Variants in LNP1 observed in about 807,000 individuals in gnomAD.
LNP1 encodes the protein leukemia NUP98 fusion partner 1.
Under a neutral mutation model 14.5 loss-of-function variants are expected in LNP1, and 12 were observed. That is an observed-to-expected ratio of 0.83 (90% confidence interval 0.53 to 1.34). The LOEUF (loss-of-function observed/expected upper bound fraction) is 1.34. LNP1 is among the 40% of genes most tolerant of loss of function. The pLI is 0.00. For synonymous variants in LNP1, 75 were observed against 71.4 expected, an observed-to-expected ratio of 1.05 and a Z score of -0.26; for missense variants, 198 against 210.9, an observed-to-expected ratio of 0.94 and a Z score of 0.38.
intron 1 of LNP1, among the ~76,000 whole-genome samples, chr3:100,413,582 A>G (rs1707050627): frequency 6.6e-6 from 1 of 152,224 alleles, no homozygotes; most frequent in Non-Finnish European, 1.5e-5. Flanking sequence ...ATTGCCACCC[A>G]GAAGAATTTG....
At chr3:100,436,805 G>T (rs757522445) in intron 2 of LNP1, among the ~76,000 whole-genome samples, 1 of 152,172 alleles carries the variant, frequency 6.6e-6, no homozygotes, top group East Asian at 1.9e-4. Context: ...GCCTTTGGGA[G>T]ATAATTAGGG....
At chr3:100,408,011 G>A (rs567545207) in intron 1 of LNP1, among the ~76,000 whole-genome samples, 6 of 152,180 alleles carry the variant, frequency 3.9e-5, no homozygotes, top group African/African-American at 1.4e-4. Flanking sequence ...TTGTTTCTCT[G>A]TATTTTCTGA....
intron 1 of LNP1, among the ~76,000 whole-genome samples, chr3:100,412,106 C>T (rs1284893727): frequency 6.6e-6 from 1 of 152,130 alleles, no homozygotes; most frequent in African/African-American, 2.4e-5. Flanking sequence ...AAGTATGGCG[C>T]TGGCATCTGT....
intron 2 of LNP1, among the ~76,000 whole-genome samples, chr3:100,436,374 A>G (rs1460592903): frequency 1.3e-5 from 2 of 152,144 alleles, no homozygotes; most frequent in Admixed American, 6.5e-5. Context: ...TAAGTTTTTA[A>G]GGTTTTTATG....
chr3:100,430,030 C>G (rs1237598942), intron 2 of LNP1, 145 bp downstream of exon 2: 3 of 777,550 alleles, frequency 3.9e-6, no homozygotes, highest in Non-Finnish European at 6.1e-6. Flanking sequence ...CCACAGAAAT[C>G]TCTCTTATTA....
At chr3:100,403,839 T>C (rs2148897447) in intron 1 of LNP1, among the ~76,000 whole-genome samples, 1 of 152,380 alleles carries the variant, frequency 6.6e-6, no homozygotes, top group South Asian at 2.1e-4. Flanking sequence ...GATTAGATTA[T>C]TTTTAAGGCT....
intron 1 of LNP1, among the ~76,000 whole-genome samples, chr3:100,422,376 G>C (rs940345433): frequency 6.6e-6 from 1 of 151,892 alleles, no homozygotes; most frequent in Non-Finnish European, 1.5e-5. Context: ...GTGGAGACAG[G>C]GTTTCACTGT....
chr3:100,434,314 A>G (rs1272552206), intron 2 of LNP1, among the ~76,000 whole-genome samples: 1 of 152,186 alleles, frequency 6.6e-6, no homozygotes, highest in East Asian at 1.9e-4. Context: ...ACCATTTATT[A>G]AATAGAGAAT....
At chr3:100,441,641 T>C (rs1267114919) in intron 2 of LNP1, among the ~76,000 whole-genome samples, 1 of 150,822 alleles carries the variant, frequency 6.6e-6, no homozygotes, top group Non-Finnish European at 1.5e-5. Context: ...AATATATATA[T>C]ATATATATAT....
intron 1 of LNP1, among the ~76,000 whole-genome samples, chr3:100,416,112 G>C (rs1483459367): frequency 1.3e-5 from 2 of 152,198 alleles, no homozygotes; most frequent in Non-Finnish European, 2.9e-5. Flanking sequence ...TTGTCTCTCT[G>C]TAATATAAGC....
intron 2 of LNP1, among the ~76,000 whole-genome samples, chr3:100,443,348 C>T (rs1386334722): frequency 2.0e-5 from 3 of 152,178 alleles, no homozygotes; most frequent in Non-Finnish European, 4.4e-5. Flanking sequence ...TCTCCAGTTT[C>T]CCATTTTTAC....
At chr3:100,432,002 A>T (rs1707247274) in intron 2 of LNP1, among the ~76,000 whole-genome samples, 2 of 3,436 alleles carry the variant, frequency 5.8e-4, no homozygotes, top group Middle Eastern at 0.083. Context: ...TTATATATAT[A>T]TATATATATA....
intron 2 of LNP1, among the ~76,000 whole-genome samples, chr3:100,440,390 T>C (rs537846137): frequency 6.1e-4 from 93 of 152,340 alleles, no homozygotes; most frequent in African/African-American, 2.0e-3. Flanking sequence ...TTTTACATCT[T>C]CTTGGATACC....
chr3:100,456,266 A>G lies in LNP1; in HGVS notation c.*340A>G. 5.9e-6 allele frequency: 1 copy of G among 169,674 alleles called. No homozygotes were observed. The highest frequency in any genetic ancestry group is 1.2e-5 in the Non-Finnish European group (1 of 80,250). The allele number at this position is 169,674 out of a possible 1,614,324, so 10.5% of individuals were successfully genotyped here. On this transcript the variant is annotated 3_prime_UTR_variant, in exon 4 of 4. Coordinates refer to ENST00000383693, the MANE Select transcript of LNP1 (RefSeq NM_001085451.2). ...AAGAGCCACCCACATAGCTTCACCA[A>G]CCCTTCTCACACATCAACTCATAAA... is the stretch of plus-strand genomic sequence containing the variant.
intron 1 of LNP1, among the ~76,000 whole-genome samples, chr3:100,416,425 T>C (rs1344823686): frequency 2.0e-5 from 3 of 152,184 alleles, no homozygotes; most frequent in Non-Finnish European, 4.4e-5. Flanking sequence ...TTTTGTTTTC[T>C]TTGTCTTTAT....
intron 2 of LNP1, among the ~76,000 whole-genome samples, chr3:100,437,498 A>C (rs1456936354): frequency 6.6e-6 from 1 of 152,204 alleles, no homozygotes; most frequent in African/African-American, 2.4e-5. Context: ...ATTAGTTTAA[A>C]ACATTGTTTG....
chr3:100,452,399 G>C (rs1257489447), intron 3 of LNP1, among the ~76,000 whole-genome samples: 1 of 151,492 alleles, frequency 6.6e-6, no homozygotes, highest in East Asian at 1.9e-4. Flanking sequence ...TAGAGACAGG[G>C]TCTTGTTATG....
intron 1 of LNP1, among the ~76,000 whole-genome samples, chr3:100,405,016 T>C (rs560015525): frequency 6.6e-6 from 1 of 152,214 alleles, no homozygotes; most frequent in East Asian, 1.9e-4. Context: ...ATGGTCTCGA[T>C]CTTCTGACCT....
At position 100,455,909 on chromosome 3, in the gene LNP1, G is replaced by GAAAAAAAAAAAA; in HGVS notation, c.525_526insAAAAAAAAAAAA (p.Lys175_Gly176insLysLysLysLys). On this transcript the variant is annotated inframe_insertion, in exon 4 of 4. Transcript: ENST00000383693. ...AGAAGCACACATGGCTCCCCTGTTT[G>GAAAAAAAAAAAA]AAAAAGGGCCTGAATAATACTCTGC... 1.2e-6 allele frequency: 2 copies of GAAAAAAAAAAAA among 1,608,314 alleles called. No homozygotes were observed. The highest frequency in any genetic ancestry group is 1.7e-5 in the Admixed American group (1 of 57,908).
Sources: allele counts gnomAD v4.1 joint callset (sites outside exome capture counted in the v4.1 genomes callset), GRCh38; gene constraint gnomAD v4.1.1; transcripts MANE v1.5; gene names NCBI Gene and HGNC (gene_info 2026-07-23, HGNC 2026-07-21).